Variants in CREBL2 observed in about 807,000 individuals in gnomAD.
The protein encoded by CREBL2 is cAMP-responsive element-binding protein-like 2.
Under a neutral mutation model 19.5 loss-of-function variants are expected in CREBL2, and 4 were observed. The observed-to-expected ratio is 0.20, with a 90% CI of 0.10 to 0.47. The LOEUF is 0.47. CREBL2 is among the 20% of genes least tolerant of loss of function. CREBL2 has a pLI of 0.98. For synonymous variants in CREBL2, 42 were observed against 46.6 expected, an observed-to-expected ratio of 0.90 and a Z score of 0.40; for missense variants, 85 against 145.1, an observed-to-expected ratio of 0.59 and a Z score of 2.13.
In CREBL2 at chr12:12,642,079, G is replaced by T; in HGVS notation, c.*81G>T. 1 of 1,143,586 alleles carries T rather than the reference G, an allele frequency of 8.7e-7. No individual in the cohort carries two copies. Among genetic ancestry groups the T allele is most frequent in the Non-Finnish European group, 1.3e-6 (1 of 788,164 alleles). 70.8% of individuals were successfully genotyped at this position (1,143,586 alleles called of 1,614,324 possible). A position where few individuals can be genotyped will look rare whatever the true frequency, so the allele number is the denominator to read the frequency against. On this transcript the variant is annotated 3_prime_UTR_variant, in exon 4 of 4. Coordinates refer to ENST00000228865, the MANE Select transcript of CREBL2 (RefSeq NM_001310.4). ...ATGGATGGGCAAGAGTGTACTTCTT[G>T]GCTCCATTTACTACCTACTGCTCAG...
intron 1 of CREBL2, among the ~76,000 whole-genome samples, chr12:12,613,883 C>T (rs796518520): frequency 6.8e-6 from 1 of 146,020 alleles, no homozygotes; most frequent in South Asian, 2.2e-4. Flanking sequence ...AGAAGGGTAG[C>T]GTTCTAAAAG....
chr12:12,627,938 G>T (rs1945414972), intron 1 of CREBL2, among the ~76,000 whole-genome samples: 1 of 152,066 alleles, frequency 6.6e-6, no homozygotes, highest in Non-Finnish European at 1.5e-5. Flanking sequence ...AGGATGGAGT[G>T]GTGCAATCTC....
chr12:12,641,489 A>G (rs997612300), intron 3 of CREBL2, among the ~76,000 whole-genome samples: 1 of 151,578 alleles, frequency 6.6e-6, no homozygotes, highest in African/African-American at 2.4e-5. Flanking sequence ...TTGTATTTTT[A>G]GTAGAGACAG....
Position 12,634,325 on chromosome 12 carries a change from A to G in CREBL2, c.16-1452A>G, listed in dbSNP as rs1039201793. ...AAAGCTAAACAATGAAGAAGATTAA[A>G]TTACTTTGGCAGTCACCTAATAATT... is the stretch of plus-strand genomic sequence containing the variant. On this transcript the variant is annotated intron_variant, in intron 1 of 3. Transcript: ENST00000228865. 5.3e-5 allele frequency among the ~76,000 whole-genome samples: 8 copies of G among 152,238 alleles called. No homozygotes were observed. The South Asian group carries it at 1.2e-3, about 24-fold the overall frequency.
chr12:12,632,203 A>G (rs1046801835), intron 1 of CREBL2, among the ~76,000 whole-genome samples: 1 of 142,736 alleles, frequency 7.0e-6, no homozygotes, highest in Non-Finnish European at 1.5e-5. Flanking sequence ...TCAGCCTCCC[A>G]AGTAGCTGGG....
intron 1 of CREBL2, among the ~76,000 whole-genome samples, chr12:12,621,090 C>T (rs1003440760): frequency 6.6e-6 from 1 of 152,130 alleles, no homozygotes; most frequent in Non-Finnish European, 1.5e-5. Context: ...AGAGAAGGAT[C>T]GACAGACTTT....
At chr12:12,641,094 A>G (rs1436669046) in intron 3 of CREBL2, among the ~76,000 whole-genome samples, 2 of 151,796 alleles carry the variant, frequency 1.3e-5, no homozygotes, top group Non-Finnish European at 2.9e-5. Flanking sequence ...GCATGTGAGT[A>G]TCTAGTTGTC....
chr12:12,633,882 C>T (rs1945457271), intron 1 of CREBL2, among the ~76,000 whole-genome samples: 1 of 152,146 alleles, frequency 6.6e-6, no homozygotes, highest in African/African-American at 2.4e-5. Context: ...AATGATTTGC[C>T]AGTGTTTGAA....
At chr12:12,620,100 T>C (rs549215713) in intron 1 of CREBL2, among the ~76,000 whole-genome samples, 2 of 152,344 alleles carry the variant, frequency 1.3e-5, no homozygotes, top group South Asian at 4.1e-4. Flanking sequence ...CCGTGCCTTA[T>C]AGCCCAGACA....
At chr12:12,640,588 C>A (rs560119680) in intron 3 of CREBL2, among the ~76,000 whole-genome samples, 1 of 151,944 alleles carries the variant, frequency 6.6e-6, no homozygotes, top group East Asian at 1.9e-4. Flanking sequence ...CCTCAGCTTA[C>A]GAAGATAATA....
chr12:12,625,289 G>T (rs902006357), intron 1 of CREBL2, among the ~76,000 whole-genome samples: 14 of 152,180 alleles, frequency 9.2e-5, no homozygotes, highest in African/African-American at 3.1e-4. Context: ...GAATGGAGAA[G>T]AAGAGAGAAA....
rs542066089 is a variant in CREBL2 at position 12,630,399 on chromosome 12, A to T, written c.16-5378A>T. Among the ~76,000 whole-genome samples, 3 of 152,110 alleles carry T rather than the reference A, an allele frequency of 2.0e-5. No homozygotes were observed. In the East Asian group the frequency reaches 5.8e-4, roughly 29 times the overall value. The stretch of plus-strand genomic sequence containing the variant: ...GTTTTTTTGGCATGCAATTTTTCCT[A>T]GTATTCCTTTGCATCCCTTTTATTT... On this transcript the variant is annotated intron_variant, in intron 1 of 3. Coordinates refer to ENST00000228865, the MANE Select transcript of CREBL2 (RefSeq NM_001310.4).
In CREBL2 at chr12:12,612,147, C is replaced by T. The variant is rs200512212; in HGVS notation, c.-26C>T. 7.5e-5 allele frequency: 121 copies of T among 1,611,138 alleles called. No homozygotes were observed. In the African/African-American group the frequency reaches 1.2e-3, roughly 16 times the overall value. On this transcript the variant is annotated 5_prime_UTR_variant, in exon 1 of 4. Transcript: ENST00000228865. ...GGGGGAGGGCTCCGGGAGGGAGTGCCTGGCCAGGCCGGCCTGTCTGCCGCG... is the reference window on the plus strand; with the variant it reads ...GGGGGAGGGCTCCGGGAGGGAGTGCTTGGCCAGGCCGGCCTGTCTGCCGCG...
intron 3 of CREBL2, among the ~76,000 whole-genome samples, chr12:12,639,762 G>A (rs1249266769): frequency 2.0e-5 from 3 of 152,164 alleles, no homozygotes; most frequent in Non-Finnish European, 4.4e-5. Context: ...ACAAAGAGAG[G>A]AATTTTACAG....
rs1371472815 is a variant in CREBL2, at chr12:12,612,121, CG to C, written c.-47del. 6.9e-6 allele frequency: 11 copies of C among 1,604,848 alleles called. No homozygotes were observed. Among genetic ancestry groups the C allele is most frequent in the Non-Finnish European group, 8.5e-6 (10 of 1,177,364 alleles). ...GGGGGCCGGGCCAGGCCGGCTGAGC[CG>C]GGGGAGGGCTCCGGGAGGGAGTGCC... On this transcript the variant is annotated 5_prime_UTR_variant, in exon 1 of 4. Coordinates refer to ENST00000228865, the MANE Select transcript of CREBL2 (RefSeq NM_001310.4).
At chr12:12,616,574 A>G (rs1237392731) in intron 1 of CREBL2, among the ~76,000 whole-genome samples, 1 of 152,236 alleles carries the variant, frequency 6.6e-6, no homozygotes, top group Non-Finnish European at 1.5e-5. Context: ...GTTGTAGATA[A>G]GTAATATTTA....
At chr12:12,617,350 A>G (rs1945318193) in intron 1 of CREBL2, among the ~76,000 whole-genome samples, 1 of 152,202 alleles carries the variant, frequency 6.6e-6, no homozygotes, top group African/African-American at 2.4e-5. Context: ...GGTTTAGGAA[A>G]GTGTTAAGTA....
chr12:12,636,151 A>C (rs1945473448), intron 2 of CREBL2, among the ~76,000 whole-genome samples, 177 bp downstream of exon 2: 1 of 152,250 alleles, frequency 6.6e-6, no homozygotes, highest in South Asian at 2.1e-4. Context: ...GTGGGAGCAG[A>C]GTGTACGTGA....
chr12:12,639,172 C>A (rs1406645673), intron 3 of CREBL2, among the ~76,000 whole-genome samples: 1 of 152,100 alleles, frequency 6.6e-6, no homozygotes, highest in Admixed American at 6.5e-5. Flanking sequence ...TCTTTATGGT[C>A]AAATAATATT....
Sources: gnomAD v4.1 joint callset for allele counts (sites outside exome capture counted in the v4.1 genomes callset) on GRCh38, gnomAD v4.1.1 for gene constraint, MANE v1.5 for transcripts, NCBI Gene and HGNC (gene_info 2026-07-23, HGNC 2026-07-21) for gene names.